SYT1: variants seen among roughly 807,000 people sequenced by gnomAD.
SYT1 encodes the protein synaptotagmin 1, also known as synaptotagmin-1.
A neutral mutation model predicts 44.8 loss-of-function variants in SYT1; 8 were observed. The ratio of observed to expected loss-of-function variants is 0.18; its 90% confidence interval spans 0.10 to 0.32. The LOEUF is 0.32. SYT1 is among the 10% of genes least tolerant of loss of function. The pLI is 1.00. For synonymous variants in SYT1, 154 were observed against 188.8 expected (o/e 0.82, Z 1.51); for missense variants, 286 against 509.3 (o/e 0.56, Z 4.22).
At chr12:78,945,179 GT>G (rs1237663049) in intron 1 of SYT1, among the ~76,000 whole-genome samples, 6 of 151,982 alleles carry the variant, frequency 3.9e-5, no homozygotes, top group Non-Finnish European at 1.5e-5. Context: ...CAATTCAGCT[GT>G]TTTTTTGTTT....
intron 3 of SYT1, among the ~76,000 whole-genome samples, chr12:79,121,541 T>C (rs1363323961): frequency 6.6e-6 from 1 of 152,166 alleles, no homozygotes; most frequent in African/African-American, 2.4e-5. Flanking sequence ...GGGTTCAATT[T>C]TACACTTTTG....
At chr12:79,429,164 G>A (rs1869622954) in intron 9 of SYT1, among the ~76,000 whole-genome samples, 1 of 152,152 alleles carries the variant, frequency 6.6e-6, no homozygotes, top group Admixed American at 6.5e-5. Flanking sequence ...GAAATTTGGA[G>A]GGGACAAATA....
At chr12:78,884,607 T>C (rs2137061768) in intron 1 of SYT1, among the ~76,000 whole-genome samples, 1 of 151,580 alleles carries the variant, frequency 6.6e-6, no homozygotes, top group African/African-American at 2.4e-5. Context: ...ATTCTCTTTA[T>C]CATAATCTTA....
chr12:79,445,377 T>C (rs1870650517), intron 10 of SYT1, among the ~76,000 whole-genome samples: 1 of 152,082 alleles, frequency 6.6e-6, no homozygotes, highest in Non-Finnish European at 1.5e-5. Flanking sequence ...ACTATAGCCA[T>C]CCTGTAGTGG....
intron 1 of SYT1, among the ~76,000 whole-genome samples, chr12:78,914,395 T>A (rs1876524088): frequency 6.6e-6 from 1 of 151,900 alleles, no homozygotes; most frequent in Non-Finnish European, 1.5e-5. Flanking sequence ...CTGATAACAG[T>A]CTATGGCCTC....
At chr12:79,215,447 G>A (rs973672479) in intron 3 of SYT1, among the ~76,000 whole-genome samples, 2 of 152,084 alleles carry the variant, frequency 1.3e-5, no homozygotes, top group African/African-American at 4.8e-5. Context: ...AGAAGAAACT[G>A]AAAAACGAAG....
chr12:79,402,875 C>T (rs1230145206), intron 9 of SYT1, among the ~76,000 whole-genome samples: 3 of 152,184 alleles, frequency 2.0e-5, no homozygotes, highest in Non-Finnish European at 4.4e-5. Flanking sequence ...AAACCACAGT[C>T]CAGATTAACA....
chr12:79,365,208 A>G (rs1194242760), intron 9 of SYT1, among the ~76,000 whole-genome samples: 1 of 152,062 alleles, frequency 6.6e-6, no homozygotes, highest in Non-Finnish European at 1.5e-5. Flanking sequence ...TATACATTTT[A>G]CAAAATGGGA....
intron 4 of SYT1, among the ~76,000 whole-genome samples, chr12:79,247,552 A>G (rs1391133454): frequency 1.3e-5 from 2 of 152,196 alleles, no homozygotes; most frequent in African/African-American, 4.8e-5. Context: ...TTAGCATCCC[A>G]CCTGCAATTG....
chr12:79,150,140 A>G (rs1243748884), intron 3 of SYT1, among the ~76,000 whole-genome samples: 4 of 152,178 alleles, frequency 2.6e-5, no homozygotes, highest in African/African-American at 9.7e-5. Context: ...TTCATATTCT[A>G]GTGTTTCATG....
intron 3 of SYT1, among the ~76,000 whole-genome samples, chr12:79,210,547 T>A (rs1164247165): frequency 6.6e-6 from 1 of 152,228 alleles, no homozygotes; most frequent in Non-Finnish European, 1.5e-5. Flanking sequence ...TAGTTTCTAA[T>A]CTCATCCAGG....
At chr12:79,203,095 AT>A (rs67136459) in intron 3 of SYT1, among the ~76,000 whole-genome samples, 2 of 151,992 alleles carry the variant, frequency 1.3e-5, no homozygotes, top group African/African-American at 4.8e-5. Flanking sequence ...GGAAAAAAAA[AT>A]TTTTTTATTG....
At chr12:79,226,351 T>C (rs756036185) in intron 4 of SYT1, among the ~76,000 whole-genome samples, 3 of 152,170 alleles carry the variant, frequency 2.0e-5, no homozygotes, top group Non-Finnish European at 4.4e-5. Context: ...AGCAATCAGC[T>C]GGAAAAAAAT....
intron 9 of SYT1, among the ~76,000 whole-genome samples, chr12:79,409,159 T>C (rs907594381): frequency 7.9e-5 from 12 of 152,170 alleles, no homozygotes; most frequent in Admixed American, 5.2e-4. Flanking sequence ...AGAACCACCA[T>C]GTTGTGGTTT....
At chr12:79,363,248 G>A (rs1289922294) in intron 9 of SYT1, among the ~76,000 whole-genome samples, 1 of 151,994 alleles carries the variant, frequency 6.6e-6, no homozygotes, top group African/African-American at 2.4e-5. Context: ...GAGATATTTG[G>A]GAGTTTCTAA....
At chr12:78,916,130 G>C (rs71462195) in intron 1 of SYT1, among the ~76,000 whole-genome samples, 40 of 152,142 alleles carry the variant, frequency 2.6e-4, no homozygotes, top group Admixed American at 2.0e-4. Context: ...TCCGGTTTCA[G>C]TTATCAGTTT....
At chr12:79,194,097 G>A (rs997578535) in intron 3 of SYT1, among the ~76,000 whole-genome samples, 1 of 151,836 alleles carries the variant, frequency 6.6e-6, no homozygotes, top group Non-Finnish European at 1.5e-5. Flanking sequence ...GAGCCTCTGA[G>A]GAAAAAATTA....
intron 3 of SYT1, among the ~76,000 whole-genome samples, chr12:79,163,650 C>T (rs999561981): frequency 2.6e-5 from 4 of 152,022 alleles, no homozygotes; most frequent in African/African-American, 9.7e-5. Context: ...TTTCTATTGC[C>T]GTTCTCGTTC....
chr12:79,054,707 T>G (rs1410713608), intron 3 of SYT1, among the ~76,000 whole-genome samples: 1 of 151,922 alleles, frequency 6.6e-6, no homozygotes, highest in Non-Finnish European at 1.5e-5. Flanking sequence ...GTATAGTCTC[T>G]GTCATCAAGT....
Sources: allele counts gnomAD v4.1 joint callset (sites outside exome capture counted in the v4.1 genomes callset), GRCh38; gene constraint gnomAD v4.1.1; transcripts MANE v1.5; gene names NCBI Gene and HGNC (gene_info 2026-07-23, HGNC 2026-07-21).